PTPN11: variants seen among roughly 807,000 people sequenced by gnomAD.
PTPN11 encodes the protein protein tyrosine phosphatase non-receptor type 11, also known as tyrosine-protein phosphatase non-receptor type 11.
A neutral mutation model predicts 78.8 loss-of-function variants in PTPN11; 6 were observed. That is an observed-to-expected ratio of 0.08 (90% CI 0.04 to 0.15). PTPN11 has a LOEUF of 0.15. Among genes scored for constraint, PTPN11 ranks in the 10% least tolerant of loss-of-function variants. PTPN11 has a pLI of 1.00. For missense variants in PTPN11, 386 were observed against 744.8 expected, an observed-to-expected ratio of 0.52 and a Z score of 5.61; for synonymous variants, 221 against 263.5, an observed-to-expected ratio of 0.84 and a Z score of 1.56.
intron 6 of PTPN11, among the ~76,000 whole-genome samples, chr12:112,461,662 C>T (rs1277500774): frequency 1.3e-5 from 2 of 151,810 alleles, no homozygotes; most frequent in African/African-American, 2.4e-5. Flanking sequence ...GAGATGTGGT[C>T]GTATTATGTT....
chr12:112,491,083 G>C (rs1317366851), intron 13 of PTPN11, among the ~76,000 whole-genome samples: 1 of 152,104 alleles, frequency 6.6e-6, no homozygotes, highest in Non-Finnish European at 1.5e-5. Flanking sequence ...GGAATGATGG[G>C]TGAAGAGCTG....
At chr12:112,435,222 G>A (rs774869036) in intron 1 of PTPN11, among the ~76,000 whole-genome samples, 11 of 152,004 alleles carry the variant, frequency 7.2e-5, no homozygotes, top group Admixed American at 3.9e-4. Flanking sequence ...GTTTCCCTAC[G>A]TTGCCCAGGC....
intron 7 of PTPN11, among the ~76,000 whole-genome samples, chr12:112,475,615 A>G (rs944145659): frequency 6.6e-6 from 1 of 152,218 alleles, no homozygotes. Flanking sequence ...GCATATGTGT[A>G]TACATTTCAG....
intron 6 of PTPN11, among the ~76,000 whole-genome samples, chr12:112,458,653 C>T (rs1210718731): frequency 6.6e-6 from 1 of 152,174 alleles, no homozygotes; most frequent in Admixed American, 6.5e-5. Context: ...TCTGAAGACA[C>T]TAGTGAACAA....
intron 6 of PTPN11, among the ~76,000 whole-genome samples, 165 bp downstream of exon 6, chr12:112,456,228 G>A (rs946414625): frequency 6.6e-5 from 10 of 152,088 alleles, no homozygotes; most frequent in Non-Finnish European, 2.9e-5. Flanking sequence ...GGGCTTCTTC[G>A]AAACAGAAGA....
At chr12:112,429,877 A>G (rs965464768) in intron 1 of PTPN11, among the ~76,000 whole-genome samples, 3 of 152,134 alleles carry the variant, frequency 2.0e-5, no homozygotes, top group Non-Finnish European at 2.9e-5. Flanking sequence ...TATTAAAAAG[A>G]AATTTTTAGA....
intron 6 of PTPN11, among the ~76,000 whole-genome samples, chr12:112,463,211 T>G (rs1039644792): frequency 1.3e-5 from 2 of 151,870 alleles, no homozygotes; most frequent in African/African-American, 2.4e-5. Flanking sequence ...TTTTAACATT[T>G]TAAAATTATT....
intron 1 of PTPN11, among the ~76,000 whole-genome samples, chr12:112,439,270 T>G (rs1322852561): frequency 3.3e-5 from 5 of 152,132 alleles, no homozygotes; most frequent in African/African-American, 1.2e-4. Context: ...GCCCTTTTTT[T>G]TAAACTTTTT....
At chr12:112,439,616 G>T (rs1469584399) in intron 1 of PTPN11, among the ~76,000 whole-genome samples, 1 of 151,704 alleles carries the variant, frequency 6.6e-6, no homozygotes, top group African/African-American at 2.4e-5. Flanking sequence ...CTATAGGCGC[G>T]CACCACCATA....
intron 1 of PTPN11, among the ~76,000 whole-genome samples, chr12:112,422,092 GAA>G (rs1238745926): frequency 6.6e-6 from 1 of 152,164 alleles, no homozygotes. Context: ...TTCTAGGAGG[GAA>G]AAAATCCCAC....
intron 15 of PTPN11, 50 bp from the exon 16 acceptor site, chr12:112,505,775 A>C (rs1566194051): frequency 6.6e-6 from 1 of 152,196 alleles, no homozygotes; most frequent in East Asian, 1.9e-4. Context: ...TGCTTTGTTA[A>C]GCTTTTAGAT....
intron 1 of PTPN11, among the ~76,000 whole-genome samples, chr12:112,440,531 C>G (rs1379850730): frequency 7.0e-6 from 1 of 142,610 alleles, no homozygotes; most frequent in Non-Finnish European, 1.5e-5. Flanking sequence ...CCCAAAGTGC[C>G]GGGATTACAG....
intron 2 of PTPN11, among the ~76,000 whole-genome samples, chr12:112,449,029 G>A (rs373300849): frequency 6.6e-5 from 10 of 151,906 alleles, no homozygotes; most frequent in South Asian, 2.1e-4. Flanking sequence ...TGAGATTACA[G>A]GTGCCTGCCA....
intron 11 of PTPN11, chr12:112,487,065 C>T (rs2038688925): frequency 6.6e-6 from 2 of 302,498 alleles, no homozygotes; most frequent in Admixed American, 5.0e-5. Context: ...TTCTCTTTTT[C>T]CTTCTTTTCT....
chr12:112,489,326 CTG>C, intron 13 of PTPN11, 151 bp downstream of exon 13: 1 of 950,470 alleles, frequency 1.1e-6, no homozygotes, highest in East Asian at 2.5e-5. Flanking sequence ...CCTCTGGAAA[CTG>C]TCAATTATTC....
At chr12:112,486,267 G>T (rs778747990) in intron 10 of PTPN11, among the ~76,000 whole-genome samples, 1 of 152,128 alleles carries the variant, frequency 6.6e-6, no homozygotes, top group Non-Finnish European at 1.5e-5. Context: ...CATGCCAGAC[G>T]TCTTGGTTCT....
chr12:112,480,363 G>GTTC (rs2038577329), intron 9 of PTPN11, among the ~76,000 whole-genome samples: 1 of 144,582 alleles, frequency 6.9e-6, no homozygotes, highest in South Asian at 2.2e-4. Flanking sequence ...AGACCACATC[G>GTTC]TTCTTTTTTT....
chr12:112,490,824 G>A (rs749574380), intron 13 of PTPN11, among the ~76,000 whole-genome samples: 20 of 152,152 alleles, frequency 1.3e-4, no homozygotes, highest in Non-Finnish European at 1.2e-4. Context: ...AGTTTTCTGC[G>A]TTGTGTGGTT....
intron 7 of PTPN11, among the ~76,000 whole-genome samples, chr12:112,476,593 A>G (rs1302321849): frequency 6.6e-6 from 1 of 151,914 alleles, no homozygotes; most frequent in Non-Finnish European, 1.5e-5. Flanking sequence ...ACATGGCAAA[A>G]CCCCATCTCT....
Sources: allele counts gnomAD v4.1 joint callset (sites outside exome capture counted in the v4.1 genomes callset), GRCh38; gene constraint gnomAD v4.1.1; transcripts MANE v1.5; gene names NCBI Gene and HGNC (gene_info 2026-07-23, HGNC 2026-07-21).